AMOTL1: variants seen among roughly 807,000 people sequenced by gnomAD.
AMOTL1 encodes the protein angiomotin like 1.
Under a neutral mutation model 102.9 loss-of-function variants are expected in AMOTL1, and 45 were observed. The observed-to-expected ratio is 0.44, with a 90% CI of 0.34 to 0.56. The LOEUF (loss-of-function observed/expected upper bound fraction) is 0.56, where lower values mean the gene tolerates loss of function less well. Among genes scored for constraint, AMOTL1 ranks in the 20% least tolerant of loss-of-function variants. AMOTL1 has a pLI of 0.01. For synonymous variants in AMOTL1, 481 were observed against 484.7 expected (o/e 0.99, Z 0.10); for missense variants, 1,114 against 1,225.6 (o/e 0.91, Z 1.36).
chr11:94,727,076 A>G (rs1950272949), intron 1 of AMOTL1, among the ~76,000 whole-genome samples: 1 of 152,136 alleles, frequency 6.6e-6, no homozygotes. Context: ...TGTTTCCTGG[A>G]AGCCAGAGGG....
chr11:94,832,102 A>G (rs1952084554), intron 6 of AMOTL1, among the ~76,000 whole-genome samples: 1 of 152,232 alleles, frequency 6.6e-6, no homozygotes, highest in Non-Finnish European at 1.5e-5. Flanking sequence ...TATTTTATTA[A>G]TTTTAGCAGA....
chr11:94,707,826 A>T (rs1201829281), intron 1 of AMOTL1, among the ~76,000 whole-genome samples: 1 of 152,116 alleles, frequency 6.6e-6, no homozygotes, highest in African/African-American at 2.4e-5. Flanking sequence ...CATTCAGCAG[A>T]TTCGAACTCC....
chr11:94,830,094 G>C lies in AMOTL1; in HGVS notation c.1458G>C (p.Leu486=), dbSNP rs1171154601. 6.2e-7 allele frequency: 1 copy of C among 1,609,174 alleles called. No homozygotes were observed. Among genetic ancestry groups the C allele is most frequent in the Admixed American group, 1.7e-5 (1 of 59,278 alleles). The change falls in exon 5 of 13, where the codon CTG becomes CTC. Residue 486 remains leucine, a synonymous_variant. Coordinates refer to ENST00000433060, the MANE Select transcript of AMOTL1 (RefSeq NM_130847.3). ...GAATTTCGGAAGCCTATGAAAGTCT[G>C]GTCAAGTCTACCACCAAGCGAGAAT... is the stretch of plus-strand genomic sequence containing the variant. ...LQRISEAYES[L]VKSTTKRESL...
At chr11:94,758,551 T>G (rs1256387626) in intron 3 of AMOTL1, among the ~76,000 whole-genome samples, 1 of 152,174 alleles carries the variant, frequency 6.6e-6, no homozygotes, top group Non-Finnish European at 1.5e-5. Flanking sequence ...GTGACAGTGT[T>G]TAAAGGCAAC....
chr11:94,854,262 G>A (rs1952612439), intron 8 of AMOTL1, among the ~76,000 whole-genome samples, 180 bp downstream of exon 8: 1 of 152,224 alleles, frequency 6.6e-6, no homozygotes, highest in Non-Finnish European at 1.5e-5. Context: ...TCCGCTCACT[G>A]GAGTGACAGA....
intron 6 of AMOTL1, among the ~76,000 whole-genome samples, chr11:94,845,767 C>T (rs1952398867): frequency 6.6e-6 from 1 of 152,200 alleles, no homozygotes; most frequent in South Asian, 2.1e-4. Context: ...AGTGTATGAG[C>T]AGACATCCTT....
intron 6 of AMOTL1, among the ~76,000 whole-genome samples, chr11:94,835,730 AG>A (rs1952166519): frequency 6.6e-6 from 1 of 152,260 alleles, no homozygotes; most frequent in Non-Finnish European, 1.5e-5. Context: ...TAGGCACTGC[AG>A]GTTCAACATA....
intron 1 of AMOTL1, among the ~76,000 whole-genome samples, chr11:94,727,808 A>G (rs1950285414): frequency 6.6e-6 from 1 of 152,212 alleles, no homozygotes; most frequent in African/African-American, 2.4e-5. Context: ...GCAGTACCCA[A>G]TAAAGTGCAC....
At chr11:94,834,838 G>T (rs1369098740) in intron 6 of AMOTL1, among the ~76,000 whole-genome samples, 1 of 152,184 alleles carries the variant, frequency 6.6e-6, no homozygotes, top group Non-Finnish European at 1.5e-5. Context: ...GGAGGGAGGA[G>T]CTCCTTCCTG....
At chr11:94,726,230 C>T (rs551295653) in intron 1 of AMOTL1, among the ~76,000 whole-genome samples, 92 of 152,228 alleles carry the variant, frequency 6.0e-4, no homozygotes, top group Non-Finnish European at 1.2e-3. Context: ...GAGAGTTAAA[C>T]CTTCTTAAAT....
chr11:94,736,904 G>A lies in AMOTL1; in HGVS notation c.86-4034G>A, dbSNP rs570352846. Reference sequence around the variant, plus strand: ...CTGTGTCTGCAGTGCCTTGCACAGCGCTGGAAGCATGGTAAATTCCCAATA... The same window carrying A: ...CTGTGTCTGCAGTGCCTTGCACAGCACTGGAAGCATGGTAAATTCCCAATA... On this transcript the variant is annotated intron_variant, in intron 2 of 4. Transcript: ENST00000299004. Among the ~76,000 whole-genome samples, 10 of 152,272 alleles carry A rather than the reference G, an allele frequency of 6.6e-5. No individual in the cohort carries two copies. In the South Asian group the frequency reaches 8.3e-4, roughly 13 times the overall value.
At chr11:94,761,873 T>C (rs1043408972) in intron 3 of AMOTL1, among the ~76,000 whole-genome samples, 4 of 152,228 alleles carry the variant, frequency 2.6e-5, no homozygotes, top group Non-Finnish European at 5.9e-5. Flanking sequence ...CTAAAATTGC[T>C]GAACAGGTTG....
intron 1 of AMOTL1, among the ~76,000 whole-genome samples, chr11:94,770,397 G>C (rs1321636520): frequency 6.6e-6 from 1 of 152,116 alleles, no homozygotes; most frequent in East Asian, 1.9e-4. Flanking sequence ...AGAATGAAAA[G>C]GGTAGGACAT....
intron 8 of AMOTL1, among the ~76,000 whole-genome samples, chr11:94,858,090 A>G (rs1205002948): frequency 6.6e-6 from 1 of 152,178 alleles, no homozygotes; most frequent in Non-Finnish European, 1.5e-5. Flanking sequence ...AGATGGTAAC[A>G]AAAGGGATTT....
At chr11:94,801,643 G>A (rs529302853) in intron 3 of AMOTL1, among the ~76,000 whole-genome samples, 30 of 152,196 alleles carry the variant, frequency 2.0e-4, no homozygotes, top group African/African-American at 7.0e-4. Context: ...GGAGAATAGA[G>A]GAGCATTATG....
intron 1 of AMOTL1, among the ~76,000 whole-genome samples, chr11:94,789,717 G>A (rs1345192095): frequency 1.3e-5 from 2 of 152,104 alleles, no homozygotes; most frequent in Admixed American, 1.3e-4. Context: ...GAGTTCTGCC[G>A]GAATCAGAAG....
At chr11:94,780,770 A>T (rs1951098386) in intron 1 of AMOTL1, among the ~76,000 whole-genome samples, 1 of 152,192 alleles carries the variant, frequency 6.6e-6, no homozygotes, top group Non-Finnish European at 1.5e-5. Context: ...ATTCTCACTT[A>T]CTAATAAGGC....
chr11:94,821,790 G>A lies in AMOTL1; in HGVS notation c.1382G>A (p.Gly461Asp), dbSNP rs1565367770. 1 of 1,614,010 alleles carries A rather than the reference G, an allele frequency of 6.2e-7. No homozygotes were observed. The highest frequency in any genetic ancestry group is 8.5e-7 in the Non-Finnish European group (1 of 1,179,898). The change falls in exon 4 of 13, where the codon GGT (glycine) becomes GAT (aspartate). Residue 461 changes from glycine (G) to aspartate (D), a missense_variant. Gly to Asp is a moderately conservative substitution (Grantham distance 94). Coordinates refer to ENST00000433060, the MANE Select transcript of AMOTL1 (RefSeq NM_130847.3). ...ENRVLHQELQ[G>D]YYDNADKLHK... ...CGGGTGCTTCACCAGGAACTTCAGGGTTACTACGACAATGCCGACAAGCTC... is the reference window on the plus strand; with the variant it reads ...CGGGTGCTTCACCAGGAACTTCAGGATTACTACGACAATGCCGACAAGCTC...
intron 1 of AMOTL1, among the ~76,000 whole-genome samples, chr11:94,785,540 A>G (rs987881459): frequency 8.5e-5 from 13 of 152,070 alleles, no homozygotes; most frequent in African/African-American, 2.9e-4. Context: ...TTTCTTGGAG[A>G]TATTGGTTGT....
Sources: allele counts gnomAD v4.1 joint callset (sites outside exome capture counted in the v4.1 genomes callset), GRCh38; gene constraint gnomAD v4.1.1; transcripts MANE v1.5; gene names NCBI Gene and HGNC (gene_info 2026-07-23, HGNC 2026-07-21).